TMEM255A: variants seen among roughly 807,000 people sequenced by gnomAD.
TMEM255A encodes transmembrane protein 255A, also known as family with sequence similarity 70, member A.
Under a neutral mutation model 23.5 loss-of-function variants are expected in TMEM255A, and 14 were observed. That is an observed-to-expected ratio of 0.60 (90% CI 0.39 to 0.93). The LOEUF (loss-of-function observed/expected upper bound fraction) is 0.93, where lower values mean the gene tolerates loss of function less well. Among genes scored for constraint, TMEM255A ranks in the 40% least tolerant of loss-of-function variants. The pLI is 0.00. For synonymous variants in TMEM255A, 104 were observed against 100.3 expected (o/e 1.04, Z -0.22); for missense variants, 233 against 261.7 (o/e 0.89, Z 0.76).
intron 1 of TMEM255A, among the ~76,000 whole-genome samples, chrX:120,310,729 GCCC>G (rs782364263): frequency 0.012 from 194 of 16,626 alleles, 17 homozygotes; most frequent in African/African-American, 0.038. Flanking sequence ...TGCGCAACCC[GCCC>G]CCCCCCCCCA....
intron 8 of TMEM255A, 144 bp from the exon 9 acceptor site, chrX:120,261,172 G>A: frequency 1.2e-6 from 1 of 831,518 alleles, no homozygotes; most frequent in South Asian, 3.4e-5. Flanking sequence ...GAGTTAATGA[G>A]CCTGGAACAG....
rs193013666 is a variant in TMEM255A at position 120,276,637 on chromosome X, C to T, written c.675+248G>A. 1.1e-4 allele frequency among the ~76,000 whole-genome samples: 12 copies of T among 111,600 alleles called. No homozygotes were observed. The East Asian group carries it at 3.1e-3, about 29-fold the overall frequency. ...GGGGAACTGAGAACACCCCTTCCTC[C>T]TTTCACCCCCCACCCCTAGAAGGTG... On this transcript the variant is annotated intron_variant, in intron 7 of 8. Coordinates refer to ENST00000371369, the MANE Select transcript of TMEM255A (RefSeq NM_001104544.3).
intron 2 of TMEM255A, among the ~76,000 whole-genome samples, chrX:120,297,137 TATATATTATATTATATTATA>T (rs1173061948): frequency 4.4e-5 from 2 of 44,969 alleles, no homozygotes; most frequent in Non-Finnish European, 6.9e-5. Flanking sequence ...TATAATATTA[TATATATTATATTATATTATA>T]ATATATATAT....
At chrX:120,267,033 G>A (rs2057722687) in intron 8 of TMEM255A, among the ~76,000 whole-genome samples, 1 of 111,694 alleles carries the variant, frequency 9.0e-6, no homozygotes, top group Non-Finnish European at 1.9e-5. Context: ...CAAGGTCATC[G>A]CCAAGGTCTG....
intron 2 of TMEM255A, among the ~76,000 whole-genome samples, chrX:120,302,398 G>A (rs368198488): frequency 3.6e-5 from 4 of 110,995 alleles, no homozygotes; most frequent in African/African-American, 1.3e-4. Context: ...TTTTACTAAT[G>A]CAGCTACCTG....
intron 2 of TMEM255A, 77 bp from the exon 3 acceptor site, chrX:120,294,128 T>G (rs1218613171): frequency 9.9e-6 from 8 of 811,776 alleles, no homozygotes; most frequent in African/African-American, 8.3e-5. Flanking sequence ...CCCCTTCATA[T>G]GATTCAGGAT....
At chrX:120,288,820 C>A (rs991930168) in intron 4 of TMEM255A, among the ~76,000 whole-genome samples, 2 of 112,237 alleles carry the variant, frequency 1.8e-5, no homozygotes, top group African/African-American at 6.5e-5. Context: ...TTCATGCTAA[C>A]CCTGAAAGGT....
At chrX:120,285,873 A>T (rs782060989) in intron 5 of TMEM255A, 14 of 1,196,470 alleles carry the variant, frequency 1.2e-5, no homozygotes, top group Middle Eastern at 2.3e-4. Context: ...AAAACGGAAA[A>T]GAATTTCATT....
At chrX:120,278,655 C>T (rs2057816876) in intron 6 of TMEM255A, among the ~76,000 whole-genome samples, 1 of 112,176 alleles carries the variant, frequency 8.9e-6, no homozygotes, top group Admixed American at 9.4e-5. Flanking sequence ...CACAACGAAA[C>T]GCCCTGGCAT....
intron 2 of TMEM255A, among the ~76,000 whole-genome samples, chrX:120,298,546 A>G (rs782665946): frequency 8.9e-6 from 1 of 111,821 alleles, no homozygotes; most frequent in East Asian, 2.8e-4. Flanking sequence ...TAGAAACATG[A>G]GGTGCTTGAT....
At chrX:120,267,229 T>G (rs1027105126) in intron 8 of TMEM255A, among the ~76,000 whole-genome samples, 1 of 112,251 alleles carries the variant, frequency 8.9e-6, no homozygotes, top group Admixed American at 9.4e-5. Flanking sequence ...TTATTCAACT[T>G]AATCAGATTT....
the TMEM255A span, among the ~76,000 whole-genome samples, chrX:120,252,985 C>G: frequency 8.9e-6 from 1 of 112,072 alleles, no homozygotes; most frequent in South Asian, 3.7e-4. Context: ...ACATTTCAAT[C>G]ATTTACAGGC....
the TMEM255A span, among the ~76,000 whole-genome samples, chrX:120,252,409 C>G: frequency 1.8e-5 from 2 of 110,498 alleles, no homozygotes; most frequent in Non-Finnish European, 3.8e-5. Flanking sequence ...CTGGAAATAT[C>G]TTCTGCAAAG....
chrX:120,273,354 T>C, intron 7 of TMEM255A: 1 of 333,034 alleles, frequency 3.0e-6, no homozygotes. Flanking sequence ...GATGTTTTCA[T>C]TAGCCATTCT....
In TMEM255A at chrX:120,260,567, C is replaced by T. The variant is rs782726447; in HGVS notation, c.*303G>A. The T allele has an allele frequency of 2.7e-4, 57 of 210,638 alleles. 1 individual carries two copies. In the South Asian group the frequency reaches 9.8e-3, roughly 36 times the overall value. 17.4% of individuals were successfully genotyped at this position (210,638 alleles called of 1,213,427 possible). ...TACATAAAGTGAAAAAGATGGCAAC[C>T]ACACTTCTGCTGAATACAGAGGTGG... On this transcript the variant is annotated 3_prime_UTR_variant, in exon 9 of 9. Coordinates refer to ENST00000371369, the MANE Select transcript of TMEM255A (RefSeq NM_001104544.3).
chrX:120,287,386 A>G (rs2057884874), intron 4 of TMEM255A, among the ~76,000 whole-genome samples, 164 bp from the exon 5 acceptor site: 1 of 110,612 alleles, frequency 9.0e-6, no homozygotes, highest in Non-Finnish European at 1.9e-5. Flanking sequence ...TCACCTGTCT[A>G]GGGAGACTGA....
chrX:120,277,084 G>T, intron 6 of TMEM255A, 37 bp from the exon 7 acceptor site: 1 of 1,164,033 alleles, frequency 8.6e-7, no homozygotes, highest in Admixed American at 2.2e-5. Flanking sequence ...CAGTCCCCAG[G>T]GAGCAGGCTG....
rs1311823380 is a variant in TMEM255A, at chrX:120,285,777, C to A, written c.424-562G>T. 7 of 1,194,316 alleles carry A rather than the reference C, an allele frequency of 5.9e-6. No homozygotes were observed. In the African/African-American group the frequency reaches 1.1e-4, roughly 18 times the overall value. On this transcript the variant is annotated intron_variant, in intron 5 of 8. Coordinates refer to ENST00000371369, the MANE Select transcript of TMEM255A (RefSeq NM_001104544.3). ...GTCATTATTAATATTTTTACAGTCA[C>A]CAAATTAACGCAAGAAAGCTATCAC...
intron 7 of TMEM255A, among the ~76,000 whole-genome samples, chrX:120,270,255 G>T (rs1187532083): frequency 7.3e-5 from 8 of 110,092 alleles, no homozygotes; most frequent in Non-Finnish European, 1.3e-4. Flanking sequence ...AATAAATTTG[G>T]GCCCTGTTTC....
Sources: gnomAD v4.1 joint callset for allele counts (sites outside exome capture counted in the v4.1 genomes callset) on GRCh38, gnomAD v4.1.1 for gene constraint, MANE v1.5 for transcripts, NCBI Gene and HGNC (gene_info 2026-07-23, HGNC 2026-07-21) for gene names.